LRMDA: variants seen among roughly 807,000 people sequenced by gnomAD.
LRMDA encodes the protein leucine-rich melanocyte differentiation-associated protein.
LRMDA carries 18 observed loss-of-function variants against 29.8 expected under a neutral mutation model. The ratio of observed to expected loss-of-function variants is 0.60; its 90% confidence interval spans 0.42 to 0.90. LRMDA has a LOEUF of 0.90. Among genes scored for constraint, LRMDA ranks in the 40% least tolerant of loss-of-function variants. The pLI, the probability that LRMDA is intolerant of heterozygous loss-of-function variation, is 0.00. For synonymous variants in LRMDA, 125 were observed against 109.4 expected (o/e 1.14, Z -0.89); for missense variants, 273 against 273.9 (o/e 1.00, Z 0.02).
chr10:75,725,744 A>G (rs1358292052), intron 2 of LRMDA, among the ~76,000 whole-genome samples: 1 of 152,226 alleles, frequency 6.6e-6, no homozygotes, highest in African/African-American at 2.4e-5. Flanking sequence ...AATTCAAGCC[A>G]TAAGAAAAAG....
chr10:76,026,323 C>T (rs996778671), intron 2 of LRMDA, among the ~76,000 whole-genome samples: 1 of 152,184 alleles, frequency 6.6e-6, no homozygotes, highest in African/African-American at 2.4e-5. Flanking sequence ...GGGAGCACTG[C>T]ACTTTATGTA....
intron 2 of LRMDA, among the ~76,000 whole-genome samples, chr10:75,548,112 AAC>A (rs1491439944): frequency 1.3e-5 from 2 of 151,998 alleles, no homozygotes; most frequent in Non-Finnish European, 1.5e-5. Context: ...AAAAAAAAAA[AAC>A]ACAACACTCC....
intron 2 of LRMDA, among the ~76,000 whole-genome samples, chr10:75,716,594 T>C (rs1842502977): frequency 6.6e-6 from 1 of 152,234 alleles, no homozygotes; most frequent in South Asian, 2.1e-4. Context: ...TTAAAAGTGT[T>C]GCATACCTTT....
chr10:76,404,310 C>T (rs781109382), intron 6 of LRMDA, among the ~76,000 whole-genome samples: 32 of 152,196 alleles, frequency 2.1e-4, no homozygotes, highest in Non-Finnish European at 3.8e-4. Flanking sequence ...GTTTCACATT[C>T]CCCAAAAGAA....
chr10:75,646,521 AC>A (rs1841523625), intron 2 of LRMDA, among the ~76,000 whole-genome samples: 1 of 152,210 alleles, frequency 6.6e-6, no homozygotes, highest in African/African-American at 2.4e-5. Flanking sequence ...CTGCATACCT[AC>A]ACGCTACCTC....
In LRMDA at chr10:76,018,912, A is replaced by C. The variant is rs574209770; in HGVS notation, c.132-17096A>C. Among the ~76,000 whole-genome samples the C allele has an allele frequency of 3.4e-4, 52 of 152,292 alleles. No individual in the cohort carries two copies. The South Asian group carries it at 5.8e-3, about 17-fold the overall frequency. On this transcript the variant is annotated intron_variant, in intron 2 of 6. Transcript: ENST00000611255. ...ATAAAGTGAAAAGAAGCTTCAATCA[A>C]TGCATAATCTTACAGATTTTAAATG...
In LRMDA at chr10:75,509,591, C is replaced by A. The variant is rs143638882; in HGVS notation, c.131+71097C>A. On this transcript the variant is annotated intron_variant, in intron 2 of 6. Coordinates refer to ENST00000611255, the MANE Select transcript of LRMDA (RefSeq NM_001305581.2). ...GCCTTATTTTACAGATGACACTGAG[C>A]CCCAGAGAGGTGGGTTGTCTTGATT... Among the ~76,000 whole-genome samples, 42 of 152,276 alleles carry A rather than the reference C, an allele frequency of 2.8e-4. No homozygotes were observed. The East Asian group carries it at 7.3e-3, about 27-fold the overall frequency.
In LRMDA at chr10:75,569,361, A is replaced by C. The variant is rs142096440; in HGVS notation, c.131+130867A>C. On this transcript the variant is annotated intron_variant, in intron 2 of 6. Transcript: ENST00000611255. Reference sequence around the variant, plus strand: ...GAGAAGTGGCTAAAAAAGCATGTAAAATTCTGATATCTTACTGTTCAGTCC... The same window carrying C: ...GAGAAGTGGCTAAAAAAGCATGTAACATTCTGATATCTTACTGTTCAGTCC... Among the ~76,000 whole-genome samples the C allele has an allele frequency of 9.4e-3, 1,427 of 152,266 alleles. 27 individuals carry two copies. Among genetic ancestry groups the C allele is most frequent in the African/African-American group, 0.032 (1,337 of 41,552 alleles).
intron 5 of LRMDA, among the ~76,000 whole-genome samples, chr10:76,145,347 G>A (rs1040829645): frequency 6.6e-6 from 1 of 152,186 alleles, no homozygotes; most frequent in East Asian, 1.9e-4. Context: ...GTAAGCTATT[G>A]ATTATTGCCT....
intron 2 of LRMDA, among the ~76,000 whole-genome samples, chr10:75,888,664 T>A (rs1251297729): frequency 6.6e-6 from 1 of 152,204 alleles, no homozygotes; most frequent in African/African-American, 2.4e-5. Context: ...TATTTCATTA[T>A]ATCCAATTAA....
intron 2 of LRMDA, among the ~76,000 whole-genome samples, chr10:75,731,117 C>T (rs1842691714): frequency 6.6e-6 from 1 of 152,194 alleles, no homozygotes. Flanking sequence ...GATGGAAATA[C>T]AAATCAAATG....
intron 2 of LRMDA, among the ~76,000 whole-genome samples, chr10:75,758,075 C>A (rs573047915): frequency 5.3e-5 from 8 of 152,344 alleles, no homozygotes; most frequent in African/African-American, 1.9e-4. Flanking sequence ...GCTGGGATTA[C>A]AGGCATGAGC....
chr10:75,555,715 T>C (rs1589181538), intron 2 of LRMDA, among the ~76,000 whole-genome samples: 1 of 152,190 alleles, frequency 6.6e-6, no homozygotes, highest in East Asian at 1.9e-4. Context: ...TAAAATTACT[T>C]ACTGCATGAC....
At chr10:76,053,978 T>C (rs1198235316) in intron 4 of LRMDA, among the ~76,000 whole-genome samples, 2 of 152,138 alleles carry the variant, frequency 1.3e-5, no homozygotes, top group Non-Finnish European at 2.9e-5. Flanking sequence ...TTGGGAAGTC[T>C]CCAGGAAATA....
At chr10:75,780,646 G>A (rs1043423329) in intron 2 of LRMDA, among the ~76,000 whole-genome samples, 1 of 152,208 alleles carries the variant, frequency 6.6e-6, no homozygotes, top group African/African-American at 2.4e-5. Context: ...ACAGACTGGG[G>A]ATGACATGCA....
intron 5 of LRMDA, among the ~76,000 whole-genome samples, chr10:76,161,265 T>C (rs550868718): frequency 6.6e-4 from 100 of 152,312 alleles, no homozygotes; most frequent in African/African-American, 2.4e-3. Context: ...CAGAGCCATG[T>C]GCTCAGCCAA....
chr10:75,508,744 T>A (rs954126003), intron 2 of LRMDA, among the ~76,000 whole-genome samples: 1 of 152,112 alleles, frequency 6.6e-6, no homozygotes, highest in Non-Finnish European at 1.5e-5. Flanking sequence ...TTGAAGGAGG[T>A]AGCTGTGCTT....
intron 6 of LRMDA, among the ~76,000 whole-genome samples, chr10:76,416,523 A>G (rs536646423): frequency 6.6e-6 from 1 of 152,330 alleles, no homozygotes; most frequent in African/African-American, 2.4e-5. Context: ...GATGTTTGTA[A>G]AAGCAATTTG....
chr10:75,726,612 A>G (rs978134485), intron 2 of LRMDA, among the ~76,000 whole-genome samples: 2 of 152,192 alleles, frequency 1.3e-5, no homozygotes, highest in Non-Finnish European at 2.9e-5. Context: ...CACTCATCTC[A>G]TGTAGAGGAA....
Sources: allele counts gnomAD v4.1 joint callset (sites outside exome capture counted in the v4.1 genomes callset), GRCh38; gene constraint gnomAD v4.1.1; transcripts MANE v1.5; gene names NCBI Gene and HGNC (gene_info 2026-07-23, HGNC 2026-07-21).